MEF2D: variants seen among roughly 807,000 people sequenced by gnomAD.
MEF2D encodes myocyte-specific enhancer factor 2D.
In MEF2D, 10 loss-of-function variants were observed where a neutral mutation model predicts 59.3. That is an observed-to-expected ratio of 0.17 (90% confidence interval 0.10 to 0.29). MEF2D has a LOEUF of 0.29. MEF2D is among the 10% of genes least tolerant of loss of function. The probability of loss-of-function intolerance (pLI) is 1.00; values close to 1 mark genes in which losing one functional copy is unlikely to be tolerated. For missense variants in MEF2D, 508 were observed against 699.4 expected, an observed-to-expected ratio of 0.73 and a Z score of 3.09; for synonymous variants, 305 against 295.0, an observed-to-expected ratio of 1.03 and a Z score of -0.35.
chr1:156,487,560 C>T (rs1672454384), intron 1 of MEF2D, among the ~76,000 whole-genome samples: 1 of 152,248 alleles, frequency 6.6e-6, no homozygotes, highest in African/African-American at 2.4e-5. Flanking sequence ...GAGGCAAGAA[C>T]ATGAACTCAA....
chr1:156,469,960 G>A (rs1671129685), intron 9 of MEF2D, among the ~76,000 whole-genome samples: 1 of 152,222 alleles, frequency 6.6e-6, no homozygotes, highest in Non-Finnish European at 1.5e-5. Flanking sequence ...AGTAGAGAAG[G>A]TCTATGTCTT....
At chr1:156,499,547 C>T (rs140574043) in intron 1 of MEF2D, 1 of 152,236 alleles carries the variant, frequency 6.6e-6, no homozygotes, top group Non-Finnish European at 1.5e-5. Context: ...TCCCCATCCC[C>T]CTAAGACCCG....
chr1:156,468,650 A>C lies in MEF2D; in HGVS notation c.1247+130T>G, dbSNP rs1671024818. 1.4e-6 allele frequency: 2 copies of C among 1,427,412 alleles called. No homozygotes were observed. Among genetic ancestry groups the C allele is most frequent in the Non-Finnish European group, 1.9e-6 (2 of 1,056,266 alleles). The allele number at this position is 1,427,412 out of a possible 1,614,324, so 88.4% of individuals were successfully genotyped here. A position where few individuals can be genotyped will look rare whatever the true frequency, so the allele number is the denominator to read the frequency against. On this transcript the variant is annotated intron_variant, in intron 10 of 11. Transcript: ENST00000348159. This position sits in a 1 kb window ranked among gnomAD's most constrained non-coding sequence, Gnocchi z 4.3. ...CAGGGGTGCCACTGTTGCCTAACAG[A>C]CTGTGCAGTGCACAGCCTCATAGGA...
Position 156,479,668 on chromosome 1 carries a change from G to A in MEF2D, c.525C>T (p.Asp175=). ...GCTGCTGGGGGGACAGGAGCCGCGGGTCCGTGAGGGATGATGTCACCAGGG... is the reference window on the plus strand; with the variant it reads ...GCTGCTGGGGGGACAGGAGCCGCGGATCCGTGAGGGATGATGTCACCAGGG... The part of the protein sequence containing the change: ...TPSLVTSSLT[D]PRLLSPQQPA... The change falls in exon 5 of 12, where the codon GAC becomes GAT. Residue 175 remains aspartate (D), a synonymous_variant. Coordinates refer to ENST00000348159, the MANE Select transcript of MEF2D (RefSeq NM_005920.4). 1.3e-6 allele frequency: 2 copies of A among 1,551,934 alleles called. No homozygotes were observed. Among genetic ancestry groups the A allele is most frequent in the Non-Finnish European group, 1.7e-6 (2 of 1,147,130 alleles).
intron 7 of MEF2D, 178 bp downstream of exon 7, chr1:156,476,834 A>T (rs535254245): frequency 1.4e-6 from 1 of 735,856 alleles, no homozygotes; most frequent in African/African-American, 1.8e-5. Context: ...CTTGTGCTGC[A>T]ACCTCTTAAA....
At position 156,466,258 on chromosome 1, in the gene MEF2D, T is replaced by C. The variant is rs954869262; in HGVS notation, c.*1387A>G. 1 of 152,520 alleles carries C rather than the reference T, an allele frequency of 6.6e-6. No homozygotes were observed. The highest frequency in any genetic ancestry group is 2.4e-5 in the African/African-American group (1 of 41,348). The allele number at this position is 152,520 out of a possible 1,614,324, so 9.4% of individuals were successfully genotyped here. A position where few individuals can be genotyped will look rare whatever the true frequency, so the allele number is the denominator to read the frequency against. ...TGAGTCATTATTATTACAATATACT[T>C]TGACAAAAATAGAATCTCATTTCAT... is the stretch of plus-strand genomic sequence containing the variant. On this transcript the variant is annotated 3_prime_UTR_variant, in exon 12 of 12. Coordinates refer to ENST00000348159, the MANE Select transcript of MEF2D (RefSeq NM_005920.4).
intron 3 of MEF2D, 143 bp from the exon 4 acceptor site, chr1:156,481,114 C>G: frequency 8.5e-7 from 1 of 1,169,888 alleles, no homozygotes; most frequent in African/African-American, 1.5e-5. Context: ...GGCCCCTCCC[C>G]ACTGACAGTG....
chr1:156,478,713 A>C (rs540248971), intron 6 of MEF2D, among the ~76,000 whole-genome samples: 1 of 152,148 alleles, frequency 6.6e-6, no homozygotes, highest in African/African-American at 2.4e-5. Context: ...TATTTTTAGT[A>C]GAGATGGGGT....
chr1:156,475,811 G>A (rs571675740), intron 8 of MEF2D, among the ~76,000 whole-genome samples: 2 of 152,352 alleles, frequency 1.3e-5, no homozygotes, highest in East Asian at 1.9e-4. Context: ...CTGGCCTCCC[G>A]TCAGGGAGTT....
intron 1 of MEF2D, among the ~76,000 whole-genome samples, chr1:156,498,123 A>C (rs1036333834): frequency 2.7e-5 from 4 of 150,904 alleles, no homozygotes; most frequent in East Asian, 1.9e-4. Flanking sequence ...AAAAAAAAAA[A>C]AAAACCCTGC....
intron 2 of MEF2D, among the ~76,000 whole-genome samples, chr1:156,482,939 G>A (rs1192687191): frequency 6.6e-6 from 1 of 152,218 alleles, no homozygotes; most frequent in African/African-American, 2.4e-5. Context: ...AAGAGGGAGA[G>A]GATTCCTGTT....
At chr1:156,499,268 C>T (rs1440246168) in intron 1 of MEF2D, among the ~76,000 whole-genome samples, 2 of 152,160 alleles carry the variant, frequency 1.3e-5, no homozygotes, top group Admixed American at 6.5e-5. Context: ...GCCACCTCCA[C>T]CCCAAAGCAA....
At chr1:156,495,670 A>C (rs1239684846) in intron 1 of MEF2D, among the ~76,000 whole-genome samples, 7 of 143,062 alleles carry the variant, frequency 4.9e-5, no homozygotes, top group Non-Finnish European at 1.1e-4. Context: ...CCTCAAAAAA[A>C]ATTAAAAAGT....
Position 156,468,885 on chromosome 1 carries a change from T to A in MEF2D, c.1142A>T (p.Gln381Leu). 6.2e-7 allele frequency: 1 copy of A among 1,613,396 alleles called. No homozygotes were observed. The highest frequency in any genetic ancestry group is 8.5e-7 in the Non-Finnish European group (1 of 1,179,728). ...QQPQQPQPPQQQPPQPQQPQP... is the reference protein window; with the variant it reads ...QQPQQPQPPQLQPPQPQQPQP... ...TGGCTGCTGTGGCTGCGGTGGCTGC[T>A]GCTGTGGAGGCTGTGGCTGCTGCGG... The change falls in exon 10 of 12, where the codon CAG becomes CTG. Residue 381 changes from glutamine to leucine, a missense_variant. Gln to Leu is a moderately radical substitution (Grantham distance 113, BLOSUM62 -2). This residue lies in a region of MEF2D where 481 missense variants were observed against 584.7 expected (regional missense o/e 0.82). Transcript: ENST00000348159. The surrounding 1 kb of genome is among the most constrained non-coding windows in gnomAD (Gnocchi z 4.3).
At chr1:156,467,914 T>C in intron 11 of MEF2D, 79 bp downstream of exon 11, 2 of 1,503,670 alleles carry the variant, frequency 1.3e-6, no homozygotes, top group Admixed American at 4.0e-5. Context: ...GGGTGGGAAA[T>C]AAAACAGGTT....
chr1:156,499,775 C>A (rs577857481), intron 1 of MEF2D, among the ~76,000 whole-genome samples: 1 of 152,232 alleles, frequency 6.6e-6, no homozygotes, highest in South Asian at 2.1e-4. Context: ...ACTGACAAAC[C>A]ACATCAGGGG....
intron 9 of MEF2D, 96 bp downstream of exon 9, chr1:156,475,012 G>T (rs1449580518): frequency 2.6e-5 from 41 of 1,570,742 alleles, no homozygotes; most frequent in Non-Finnish European, 3.6e-5. Flanking sequence ...GCCCTCCTCA[G>T]ATGTGGCCTG....
chr1:156,494,596 C>A (rs560370858), intron 1 of MEF2D, among the ~76,000 whole-genome samples: 1 of 152,296 alleles, frequency 6.6e-6, no homozygotes, highest in South Asian at 2.1e-4. Context: ...AAAGGCATTC[C>A]TTGCCCCCAC....
At chr1:156,485,807 C>A (rs1007619056) in intron 1 of MEF2D, among the ~76,000 whole-genome samples, 1 of 150,624 alleles carries the variant, frequency 6.6e-6, no homozygotes, top group African/African-American at 2.4e-5. Flanking sequence ...GTAGCTGGGA[C>A]CATGAGTGTG....
Sources: allele counts gnomAD v4.1 joint callset (sites outside exome capture counted in the v4.1 genomes callset), GRCh38; gene constraint gnomAD v4.1.1; regional missense constraint gnomAD v4.1.1; non-coding constraint Gnocchi (gnomAD v3.1); transcripts MANE v1.5; gene names NCBI Gene and HGNC (gene_info 2026-07-23, HGNC 2026-07-21).